SOBP: variants seen among roughly 807,000 people sequenced by gnomAD.
SOBP encodes sine oculis-binding protein homolog.
In SOBP, 4 loss-of-function variants were observed where a neutral mutation model predicts 53.6. The observed-to-expected ratio is 0.07, with a 90% CI of 0.04 to 0.17. The LOEUF (loss-of-function observed/expected upper bound fraction) is 0.17. Ranked by LOEUF, SOBP falls within the 10% of genes least tolerant of loss-of-function variation. The pLI is 1.00. For synonymous variants in SOBP, 584 were observed against 522.6 expected (o/e 1.12, Z -1.60); for missense variants, 1,088 against 1,204.7 (o/e 0.90, Z 1.43).
At chr6:107,500,540 G>A (rs563017085) in intron 1 of SOBP, among the ~76,000 whole-genome samples, 58 of 145,766 alleles carry the variant, frequency 4.0e-4, no homozygotes, top group Non-Finnish European at 7.7e-4. Flanking sequence ...TTTTTTTTTT[G>A]AGAAGGAATC....
intron 6 of SOBP, among the ~76,000 whole-genome samples, chr6:107,639,658 C>T (rs184040460): frequency 6.6e-5 from 10 of 152,264 alleles, no homozygotes; most frequent in Admixed American, 4.6e-4. Context: ...TTTGTCTTTG[C>T]CTAGGAGCTT....
chr6:107,611,855 C>G (rs935552856), intron 5 of SOBP, among the ~76,000 whole-genome samples: 1 of 152,044 alleles, frequency 6.6e-6, no homozygotes, highest in Non-Finnish European at 1.5e-5. Context: ...ATCGGGAAAA[C>G]TGGTGAACTT....
At chr6:107,503,537 T>G in intron 1 of SOBP, 120 bp from the exon 2 acceptor site, 1 of 1,065,666 alleles carries the variant, frequency 9.4e-7, no homozygotes, top group Non-Finnish European at 1.4e-6. Flanking sequence ...AACACCACAC[T>G]AGGGGAAGTG....
chr6:107,523,305 A>G (rs1371476538), intron 3 of SOBP, among the ~76,000 whole-genome samples: 1 of 152,240 alleles, frequency 6.6e-6, no homozygotes, highest in Non-Finnish European at 1.5e-5. Flanking sequence ...GCCCCTTCAG[A>G]GAGTCTCTCA....
intron 6 of SOBP, among the ~76,000 whole-genome samples, chr6:107,656,112 T>G (rs1772020711): frequency 6.6e-6 from 1 of 152,160 alleles, no homozygotes; most frequent in Non-Finnish European, 1.5e-5. Flanking sequence ...ACTTCCAGGC[T>G]GTGCTTGCTA....
At chr6:107,533,691 A>G (rs1783911746) in intron 4 of SOBP, 81 bp downstream of exon 4, 7 of 1,546,540 alleles carry the variant, frequency 4.5e-6, no homozygotes, top group Non-Finnish European at 6.2e-6. Context: ...TTCTAGCGGA[A>G]AACACTGCGC....
chr6:107,497,486 G>A lies in SOBP; in HGVS notation c.97-6171G>A, dbSNP rs565997426. On this transcript the variant is annotated intron_variant, in intron 1 of 6. Coordinates refer to ENST00000317357, the MANE Select transcript of SOBP (RefSeq NM_018013.4). ...AAATAATACATGGACATGACAAAAAGAGTAGGCAATAAAAATAAGCAAAAA... is the reference window on the plus strand; with the variant it reads ...AAATAATACATGGACATGACAAAAAAAGTAGGCAATAAAAATAAGCAAAAA... Among the ~76,000 whole-genome samples the A allele has an allele frequency of 8.6e-5, 13 of 151,976 alleles. No individual in the cohort carries two copies. In the East Asian group the frequency reaches 2.3e-3, roughly 27 times the overall value.
At chr6:107,599,268 G>A (rs957710497) in intron 5 of SOBP, among the ~76,000 whole-genome samples, 2 of 152,164 alleles carry the variant, frequency 1.3e-5, no homozygotes, top group Non-Finnish European at 2.9e-5. Context: ...TATATAGTGT[G>A]CTTGTCATTT....
At chr6:107,509,482 T>C (rs924364290) in intron 3 of SOBP, among the ~76,000 whole-genome samples, 19 of 151,678 alleles carry the variant, frequency 1.3e-4, no homozygotes, top group African/African-American at 4.6e-4. Context: ...CCTTTTTTCT[T>C]TTTTTTTGCC....
At chr6:107,572,304 C>CTT (rs5878919) in intron 4 of SOBP, among the ~76,000 whole-genome samples, 138 of 140,588 alleles carry the variant, frequency 9.8e-4, no homozygotes, top group African/African-American at 2.8e-3. Flanking sequence ...AATTTGCACA[C>CTT]TTTTTTTTTT....
intron 3 of SOBP, among the ~76,000 whole-genome samples, chr6:107,523,299 C>A (rs1354970666): frequency 2.0e-5 from 3 of 152,180 alleles, no homozygotes; most frequent in Non-Finnish European, 1.5e-5. Context: ...CATAGGGCCC[C>A]TTCAGAGAGT....
rs567273414 is a variant in SOBP, at chr6:107,541,975, A to G, written c.573+8365A>G. Among the ~76,000 whole-genome samples the G allele has an allele frequency of 2.6e-5, 4 of 152,104 alleles. No individual in the cohort carries two copies. The East Asian group carries it at 7.8e-4, about 30-fold the overall frequency. ...ATTCATTCTTTAAAAAATAAAATAA[A>G]AAGATATATTGAGCCTGTATACGGC... is the stretch of plus-strand genomic sequence containing the variant. On this transcript the variant is annotated intron_variant, in intron 4 of 6. Coordinates refer to ENST00000317357, the MANE Select transcript of SOBP (RefSeq NM_018013.4).
At chr6:107,581,983 G>A (rs187587073) in intron 4 of SOBP, among the ~76,000 whole-genome samples, 29 of 152,188 alleles carry the variant, frequency 1.9e-4, no homozygotes, top group African/African-American at 4.3e-4. Context: ...TGCTCTCCCC[G>A]GCCCTGATTC....
intron 6 of SOBP, among the ~76,000 whole-genome samples, chr6:107,650,891 C>A (rs1771775717): frequency 6.6e-6 from 1 of 152,114 alleles, no homozygotes; most frequent in African/African-American, 2.4e-5. Flanking sequence ...TATTGAAAGC[C>A]AAGACAGGCC....
intron 4 of SOBP, among the ~76,000 whole-genome samples, chr6:107,540,070 A>G (rs1784108649): frequency 6.6e-6 from 1 of 152,222 alleles, no homozygotes; most frequent in Non-Finnish European, 1.5e-5. Flanking sequence ...TGCTTTGTTA[A>G]AAATGTTAAG....
At chr6:107,550,375 A>C (rs1055418595) in intron 4 of SOBP, among the ~76,000 whole-genome samples, 2 of 152,130 alleles carry the variant, frequency 1.3e-5, no homozygotes. Context: ...GAGCGTGTGA[A>C]TTGTCCTGTG....
intron 4 of SOBP, among the ~76,000 whole-genome samples, 168 bp downstream of exon 4, chr6:107,533,778 G>A (rs910396319): frequency 3.9e-5 from 6 of 152,132 alleles, no homozygotes; most frequent in African/African-American, 1.4e-4. Flanking sequence ...TTTGGAATAA[G>A]GAATCCCCTT....
chr6:107,593,103 C>A (rs2115068722), intron 5 of SOBP, among the ~76,000 whole-genome samples: 1 of 152,330 alleles, frequency 6.6e-6, no homozygotes, highest in African/African-American at 2.4e-5. Context: ...CTGTTGGCTC[C>A]CATTTCTGCC....
chr6:107,581,325 A>G (rs939565965), intron 4 of SOBP, among the ~76,000 whole-genome samples: 1 of 152,192 alleles, frequency 6.6e-6, no homozygotes, highest in African/African-American at 2.4e-5. Context: ...GAGAGATGGA[A>G]TCTAGCTCCA....
Sources: gnomAD v4.1 joint callset for allele counts (sites outside exome capture counted in the v4.1 genomes callset) on GRCh38, gnomAD v4.1.1 for gene constraint, MANE v1.5 for transcripts, NCBI Gene and HGNC (gene_info 2026-07-23, HGNC 2026-07-21) for gene names.